Variants in TEAD1 observed in about 807,000 individuals in gnomAD.
TEAD1 encodes TEA domain transcription factor 1.
TEAD1 carries 9 observed loss-of-function variants against 54.9 expected under a neutral mutation model. The observed-to-expected ratio is 0.16, with a 90% CI of 0.10 to 0.29. The LOEUF (loss-of-function observed/expected upper bound fraction) is 0.29, where lower values mean the gene tolerates loss of function less well. TEAD1 is among the 10% of genes least tolerant of loss of function. The pLI is 1.00. For synonymous variants in TEAD1, 200 were observed against 187.8 expected, an observed-to-expected ratio of 1.07 and a Z score of -0.53; for missense variants, 387 against 535.9, an observed-to-expected ratio of 0.72 and a Z score of 2.74.
intron 3 of TEAD1, among the ~76,000 whole-genome samples, chr11:12,800,071 G>A (rs1026181710): frequency 6.6e-6 from 1 of 152,202 alleles, no homozygotes; most frequent in Non-Finnish European, 1.5e-5. Flanking sequence ...TTTCCAGTAA[G>A]GGAGTTTTCT....
chr11:12,760,145 A>G (rs943367897), intron 2 of TEAD1, among the ~76,000 whole-genome samples: 4 of 152,222 alleles, frequency 2.6e-5, no homozygotes, highest in Admixed American at 6.5e-5. Context: ...TTCACCATCC[A>G]TCAGAAGGTA....
chr11:12,849,433 A>C (rs1053673076), intron 3 of TEAD1: 2 of 152,138 alleles, frequency 1.3e-5, no homozygotes, highest in African/African-American at 4.8e-5. Flanking sequence ...CAATTTCTTC[A>C]GTTTGAGTTC....
chr11:12,736,068 G>A (rs1944524687), intron 2 of TEAD1, among the ~76,000 whole-genome samples: 1 of 152,192 alleles, frequency 6.6e-6, no homozygotes, highest in African/African-American at 2.4e-5. Flanking sequence ...CACTATGTGT[G>A]AATTGTGAAG....
At chr11:12,707,095 AG>A (rs1211842647) in intron 2 of TEAD1, among the ~76,000 whole-genome samples, 2 of 151,088 alleles carry the variant, frequency 1.3e-5, no homozygotes, top group Non-Finnish European at 2.9e-5. Context: ...CTTAAGGGAA[AG>A]AAATAGCACT....
At chr11:12,799,564 A>C (rs6486058) in intron 3 of TEAD1, among the ~76,000 whole-genome samples, 2 of 152,220 alleles carry the variant, frequency 1.3e-5, no homozygotes, top group Admixed American at 1.3e-4. Context: ...TTTACAGTTT[A>C]TAATTGCTTT....
chr11:12,679,784 T>A (rs1416687882), intron 2 of TEAD1, among the ~76,000 whole-genome samples: 1 of 152,146 alleles, frequency 6.6e-6, no homozygotes, highest in East Asian at 1.9e-4. Context: ...TAAGAAAATT[T>A]GAAAAGTTCA....
At chr11:12,741,567 A>G (rs1220184364) in intron 2 of TEAD1, among the ~76,000 whole-genome samples, 3 of 152,142 alleles carry the variant, frequency 2.0e-5, no homozygotes, top group Non-Finnish European at 1.5e-5. Flanking sequence ...CCTCCTAGTG[A>G]TCATGCATAT....
At chr11:12,683,746 G>T (rs1295447383) in intron 2 of TEAD1, among the ~76,000 whole-genome samples, 3 of 152,166 alleles carry the variant, frequency 2.0e-5, no homozygotes, top group African/African-American at 7.2e-5. Context: ...AAACTTGGCT[G>T]TGAGGAATTA....
chr11:12,932,607 C>T (rs899922177), intron 12 of TEAD1, among the ~76,000 whole-genome samples: 3 of 152,078 alleles, frequency 2.0e-5, no homozygotes, highest in African/African-American at 7.2e-5. Flanking sequence ...GTGTGAAGGG[C>T]GGACCACGTG....
chr11:12,877,947 A>G (rs1947887317), intron 5 of TEAD1, among the ~76,000 whole-genome samples: 1 of 151,238 alleles, frequency 6.6e-6, no homozygotes, highest in Non-Finnish European at 1.5e-5. Flanking sequence ...ACAGAAGTAC[A>G]CCACCACACC....
chr11:12,726,992 C>G lies in TEAD1; in HGVS notation c.-54-37187C>G, dbSNP rs1201867272. ...TGGTGGCTCACAACTGTAATCCCAGCACTTTGGGAGCCTGAGGCGGGCAGA... is the reference window on the plus strand; with the variant it reads ...TGGTGGCTCACAACTGTAATCCCAGGACTTTGGGAGCCTGAGGCGGGCAGA... On this transcript the variant is annotated intron_variant, in intron 2 of 12. Coordinates refer to ENST00000527636, the MANE Select transcript of TEAD1 (RefSeq NM_021961.6). Among the ~76,000 whole-genome samples, 4 of 152,258 alleles carry G rather than the reference C, an allele frequency of 2.6e-5. No homozygotes were observed. In the East Asian group the frequency reaches 7.7e-4, roughly 29 times the overall value.
At chr11:12,866,631 T>G (rs1401631996) in intron 5 of TEAD1, among the ~76,000 whole-genome samples, 1 of 152,210 alleles carries the variant, frequency 6.6e-6, no homozygotes, top group Non-Finnish European at 1.5e-5. Flanking sequence ...TGGGCCACTC[T>G]CTTTTGGGGC....
At chr11:12,851,196 A>T (rs1262783878) in intron 3 of TEAD1, 1 of 649,200 alleles carries the variant, frequency 1.5e-6, no homozygotes, top group Non-Finnish European at 1.9e-6. Context: ...TCATACATAT[A>T]CAGAGTAGAG....
chr11:12,902,185 A>G, intron 10 of TEAD1, 72 bp downstream of exon 10: 1 of 1,592,240 alleles, frequency 6.3e-7, no homozygotes, highest in South Asian at 1.1e-5. Context: ...AGCACAGTGC[A>G]GCACAGCTGG....
intron 3 of TEAD1, among the ~76,000 whole-genome samples, chr11:12,832,315 A>T (rs1414724537): frequency 2.0e-5 from 3 of 152,362 alleles, no homozygotes; most frequent in East Asian, 1.9e-4. Flanking sequence ...TAATCCAAGC[A>T]TTCAACAAGG....
chr11:12,801,639 C>T (rs182783355), intron 3 of TEAD1, among the ~76,000 whole-genome samples: 33 of 152,312 alleles, frequency 2.2e-4, no homozygotes, highest in Admixed American at 1.4e-3. Context: ...TGAACCTGAG[C>T]GTGTCTGCTT....
chr11:12,885,082 C>G (rs1010228121), intron 9 of TEAD1, among the ~76,000 whole-genome samples: 40 of 152,228 alleles, frequency 2.6e-4, no homozygotes, highest in African/African-American at 9.4e-4. Context: ...GTTCTGTTTT[C>G]CCCATTTTAC....
chr11:12,834,070 C>T (rs934959869), intron 3 of TEAD1, among the ~76,000 whole-genome samples: 4 of 152,172 alleles, frequency 2.6e-5, no homozygotes, highest in Non-Finnish European at 5.9e-5. Context: ...AGAGAGATGA[C>T]TTGGATCAAA....
chr11:12,850,277 T>C (rs1459589879), intron 3 of TEAD1, among the ~76,000 whole-genome samples: 1 of 152,064 alleles, frequency 6.6e-6, no homozygotes. Flanking sequence ...CTCTACTAAA[T>C]AACAAACAAT....
Sources: allele counts gnomAD v4.1 joint callset (sites outside exome capture counted in the v4.1 genomes callset), GRCh38; gene constraint gnomAD v4.1.1; transcripts MANE v1.5; gene names NCBI Gene and HGNC (gene_info 2026-07-23, HGNC 2026-07-21).